Variants in TUSC3 observed in about 807,000 individuals in gnomAD.
TUSC3 encodes the protein dolichyl-diphosphooligosaccharide--protein glycosyltransferase subunit TUSC3.
TUSC3 carries 45 observed loss-of-function variants against 44.8 expected under a neutral mutation model. That is an observed-to-expected ratio of 1.00 (90% CI 0.79 to 1.29). TUSC3 has a LOEUF of 1.29. Ranked by LOEUF, TUSC3 falls within the 50% of genes most tolerant of loss-of-function variation. The probability of loss-of-function intolerance (pLI) is 0.00; values close to 1 mark genes in which losing one functional copy is unlikely to be tolerated. For missense variants in TUSC3, 519 were observed against 437.9 expected, an observed-to-expected ratio of 1.19 and a Z score of -1.65; for synonymous variants, 212 against 152.9, an observed-to-expected ratio of 1.39 and a Z score of -2.85.
At chr8:15,582,551 A>T (rs1448771079) in intron 1 of TUSC3, among the ~76,000 whole-genome samples, 1 of 152,206 alleles carries the variant, frequency 6.6e-6, no homozygotes, top group Non-Finnish European at 1.5e-5. Flanking sequence ...AAGAGACTAA[A>T]CATTAAAGGT....
In TUSC3 at chr8:15,697,842, A is replaced by G. The variant is rs555823389; in HGVS notation, c.798+24006A>G. Reference sequence around the variant, plus strand: ...TAGTAACTAGCAGACTTAGCTATATACAATGCAAAGATTATTATTTGTGAA... The same window carrying G: ...TAGTAACTAGCAGACTTAGCTATATGCAATGCAAAGATTATTATTTGTGAA... On this transcript the variant is annotated intron_variant, in intron 6 of 10. Transcript: ENST00000503731. Among the ~76,000 whole-genome samples, 4 of 152,358 alleles carry G rather than the reference A, an allele frequency of 2.6e-5. No individual in the cohort carries two copies. The South Asian group carries it at 6.2e-4, about 24-fold the overall frequency.
At chr8:15,574,795 A>G (rs927510658) in intron 1 of TUSC3, among the ~76,000 whole-genome samples, 9 of 152,164 alleles carry the variant, frequency 5.9e-5, no homozygotes, top group African/African-American at 1.9e-4. Context: ...GTTACTCTTT[A>G]TGTTCAAATG....
intron 2 of TUSC3, among the ~76,000 whole-genome samples, chr8:15,485,718 A>G (rs1006829166): frequency 2.6e-5 from 4 of 152,140 alleles, no homozygotes; most frequent in Non-Finnish European, 5.9e-5. Context: ...CAGACCAAGG[A>G]CAGAGCTTTG....
At chr8:15,741,275 G>C (rs1375703341) in intron 7 of TUSC3, among the ~76,000 whole-genome samples, 4 of 152,108 alleles carry the variant, frequency 2.6e-5, no homozygotes, top group African/African-American at 9.7e-5. Context: ...CCCAGTAATA[G>C]AAATACTGCC....
At chr8:15,523,694 G>GTATATA (rs1563273670) in intron 2 of TUSC3, among the ~76,000 whole-genome samples, 1 of 44,322 alleles carries the variant, frequency 2.3e-5, no homozygotes, top group African/African-American at 8.0e-5. Context: ...GTGTGTGTGT[G>GTATATA]TGTGTGTGTG....
the TUSC3 span, among the ~76,000 whole-genome samples, chr8:15,818,614 T>A: frequency 6.6e-6 from 1 of 152,166 alleles, no homozygotes; most frequent in Admixed American, 6.5e-5. Flanking sequence ...ACACGGAGGA[T>A]CAGAACAGGG....
the TUSC3 span, among the ~76,000 whole-genome samples, chr8:15,788,873 T>C: frequency 6.6e-6 from 1 of 152,168 alleles, no homozygotes; most frequent in African/African-American, 2.4e-5. Context: ...AAAGAAGTTA[T>C]TGCTGGTGTT....
chr8:15,526,744 C>T (rs1402154336), intron 2 of TUSC3, among the ~76,000 whole-genome samples: 1 of 152,096 alleles, frequency 6.6e-6, no homozygotes, highest in Non-Finnish European at 1.5e-5. Context: ...TCATCAGCAG[C>T]ATGATAACAG....
chr8:15,707,043 C>T (rs1179775593), intron 6 of TUSC3, among the ~76,000 whole-genome samples: 1 of 151,838 alleles, frequency 6.6e-6, no homozygotes, highest in Non-Finnish European at 1.5e-5. Flanking sequence ...ATGTTTTTAC[C>T]TGACTGCTTT....
chr8:15,735,970 C>T (rs564532702), intron 7 of TUSC3, among the ~76,000 whole-genome samples: 6 of 151,946 alleles, frequency 3.9e-5, no homozygotes, highest in South Asian at 4.2e-4. Flanking sequence ...CCTCGTGATC[C>T]GCCCACCTTG....
At chr8:15,431,815 C>G (rs1029442830) in intron 1 of TUSC3, among the ~76,000 whole-genome samples, 1 of 66,312 alleles carries the variant, frequency 1.5e-5, no homozygotes, top group African/African-American at 3.2e-5. Flanking sequence ...ATATATGGAC[C>G]TTATTATGTT....
intron 1 of TUSC3, among the ~76,000 whole-genome samples, chr8:15,443,771 C>A (rs563888459): frequency 7.2e-5 from 11 of 152,280 alleles, no homozygotes; most frequent in Non-Finnish European, 1.6e-4. Context: ...AAGATTCTCA[C>A]CCTCCCTAAG....
chr8:15,547,847 T>C (rs1163010549), intron 1 of TUSC3, among the ~76,000 whole-genome samples: 1 of 151,622 alleles, frequency 6.6e-6, no homozygotes, highest in Non-Finnish European at 1.5e-5. Context: ...GGAAAGAAAA[T>C]TTATTTTTCA....
At chr8:15,532,702 C>T (rs62502549) in intron 2 of TUSC3, among the ~76,000 whole-genome samples, 6,119 of 152,260 alleles carry the variant, frequency 0.04, 165 homozygotes, top group Middle Eastern at 0.1. Context: ...CCCATAATTA[C>T]CATTTGTTGT....
In TUSC3 at chr8:15,662,311, T is replaced by C. The variant is rs1807458808; in HGVS notation, c.708+15T>C. On this transcript the variant is annotated intron_variant, in intron 5 of 10. Coordinates refer to ENST00000503731, the MANE Select transcript of TUSC3 (RefSeq NM_006765.4). The stretch of plus-strand genomic sequence containing the variant: ...TGGTGTCTCTGGTATGTTAATACAT[T>C]GTGCTTTTTTTATTTCCTGTTCTTT... 6.2e-7 allele frequency: 1 copy of C among 1,612,424 alleles called. No homozygotes were observed. The highest frequency in any genetic ancestry group is 1.3e-5 in the African/African-American group (1 of 74,926).
At chr8:15,623,381 A>C (rs1805339029) in intron 2 of TUSC3, 132 bp downstream of exon 2, 2 of 950,606 alleles carry the variant, frequency 2.1e-6, no homozygotes, top group South Asian at 2.9e-5. Context: ...TGCATTTAAA[A>C]ATAAGCTGAA....
intron 2 of TUSC3, among the ~76,000 whole-genome samples, chr8:15,628,011 T>G (rs1180875499): frequency 6.6e-6 from 1 of 152,144 alleles, no homozygotes; most frequent in East Asian, 1.9e-4. Flanking sequence ...CCCGTAACAT[T>G]AAGGGATGCT....
chr8:15,759,001 G>T (rs1448952251), intron 10 of TUSC3, among the ~76,000 whole-genome samples: 1 of 152,100 alleles, frequency 6.6e-6, no homozygotes, highest in African/African-American at 2.4e-5. Context: ...AGAGAAGAGA[G>T]CCCCAGGACT....
chr8:15,742,667 A>G (rs1242462042), intron 7 of TUSC3, among the ~76,000 whole-genome samples: 1 of 152,222 alleles, frequency 6.6e-6, no homozygotes, highest in Non-Finnish European at 1.5e-5. Context: ...ACACAAGGGA[A>G]TCATAATGAA....
Sources: allele counts gnomAD v4.1 joint callset (sites outside exome capture counted in the v4.1 genomes callset), GRCh38; gene constraint gnomAD v4.1.1; transcripts MANE v1.5; gene names NCBI Gene and HGNC (gene_info 2026-07-23, HGNC 2026-07-21).